Variants in SLC16A7 observed in about 807,000 individuals in gnomAD.
The protein encoded by SLC16A7 is monocarboxylate transporter 2.
Under a neutral mutation model 34.9 loss-of-function variants are expected in SLC16A7, and 33 were observed. The observed-to-expected ratio is 0.94, with a 90% CI of 0.72 to 1.26. SLC16A7 has a LOEUF of 1.26. Ranked by LOEUF, SLC16A7 falls within the 50% of genes most tolerant of loss-of-function variation. The pLI is 0.00. For missense variants in SLC16A7, 573 were observed against 578.1 expected (o/e 0.99, Z 0.09); for synonymous variants, 201 against 206.6 (o/e 0.97, Z 0.23).
rs146249048 is a variant in SLC16A7 at position 59,698,310 on chromosome 12, G to T, written c.-30-6462G>T. On this transcript the variant is annotated intron_variant, in intron 2 of 5. Transcript: ENST00000547379. ...AAATAAATGAGATATTCAAATCTTA[G>T]AACTGTACTTCTATATAGCACATTT... Among the ~76,000 whole-genome samples the T allele has an allele frequency of 9.9e-3, 1,504 of 151,708 alleles. 23 individuals carry two copies. Among genetic ancestry groups the T allele is most frequent in the African/African-American group, 0.034 (1,412 of 41,462 alleles).
At position 59,704,964 on chromosome 12, in the gene SLC16A7, T is replaced by C; in HGVS notation, c.163T>C (p.Tyr55His). ...KEIQQIFHTT[Y>H]SEIAWISSIM... ...AATTCAGCAAATATTCCACACTACC[T>C]ACAGTGAAATAGCATGGATTTCATC... The change falls in exon 3 of 6, where the codon TAC becomes CAC. Residue 55 changes from tyrosine (Y) to histidine (H), a missense_variant. By Grantham distance (83) the Tyr-to-His change is moderately conservative. Transcript: ENST00000547379. 2 of 1,613,680 alleles carry C rather than the reference T, an allele frequency of 1.2e-6. No individual in the cohort carries two copies. Among genetic ancestry groups the C allele is most frequent in the Non-Finnish European group, 1.7e-6 (2 of 1,179,666 alleles).
In SLC16A7 at chr12:59,784,333, T is replaced by C. The variant is rs946485722; in HGVS notation, c.*4654T>C. ...CTTCAGTGAGCTATAATGGCCCCAC[T>C]TGCAGTCCAGCCTAGGCAATAGAGT... On this transcript the variant is annotated 3_prime_UTR_variant, in exon 6 of 6. Coordinates refer to ENST00000547379, the MANE Select transcript of SLC16A7 (RefSeq NM_001270623.2). 1.3e-5 allele frequency: 2 copies of C among 152,042 alleles called. No homozygotes were observed. The highest frequency in any genetic ancestry group is 2.4e-5 in the African/African-American group (1 of 41,408). 9.4% of individuals were successfully genotyped at this position (152,042 alleles called of 1,614,324 possible).
chr12:59,738,148 C>T (rs1877820210), intron 3 of SLC16A7, among the ~76,000 whole-genome samples: 1 of 152,154 alleles, frequency 6.6e-6, no homozygotes. Context: ...CTGGTCTAAA[C>T]TATTTTGCCC....
At chr12:59,740,126 A>C (rs1347256263) in intron 3 of SLC16A7, among the ~76,000 whole-genome samples, 1 of 151,436 alleles carries the variant, frequency 6.6e-6, no homozygotes, top group Non-Finnish European at 1.5e-5. Context: ...GCCCATGCCT[A>C]TGTCCTGAAT....
At chr12:59,598,364 A>G (rs910408816) in intron 1 of SLC16A7, among the ~76,000 whole-genome samples, 7 of 152,232 alleles carry the variant, frequency 4.6e-5, no homozygotes, top group African/African-American at 7.2e-5. Context: ...TTGAGCCCCT[A>G]TAATCAGTCT....
At position 59,774,743 on chromosome 12, in the gene SLC16A7, G is replaced by T; in HGVS notation, c.448G>T (p.Ala150Ser). Reference protein sequence around the residue: ...YRKRPMANGLAMAGSPVFLSS... With the variant: ...YRKRPMANGLSMAGSPVFLSS... ...GAAGCGACCCATGGCAAATGGATTG[G>T]CCATGGCAGGAAGTCCTGTTTTCTT... Residue 150 changes from alanine to serine, a missense_variant, in exon 5 of 6, where the codon GCC becomes TCC. Ala to Ser is a moderately conservative substitution (Grantham distance 99). Coordinates refer to ENST00000547379, the MANE Select transcript of SLC16A7 (RefSeq NM_001270623.2). 6.2e-7 allele frequency: 1 copy of T among 1,613,806 alleles called. No homozygotes were observed. The highest frequency in any genetic ancestry group is 8.5e-7 in the Non-Finnish European group (1 of 1,179,850).
Position 59,787,326 on chromosome 12 carries a change from A to T in SLC16A7, c.*7647A>T, listed in dbSNP as rs891236717. 4.6e-5 allele frequency: 7 copies of T among 152,320 alleles called. No individual in the cohort carries two copies. Among genetic ancestry groups the T allele is most frequent in the African/African-American group, 1.7e-4 (7 of 41,580 alleles). The allele number at this position is 152,320 out of a possible 1,614,324, so 9.4% of individuals were successfully genotyped here. ...AAGAACCTGAACATATGTTAATGAA[A>T]TTATTAGAGTAAGTTCTATCTCAAA... is the stretch of plus-strand genomic sequence containing the variant. On this transcript the variant is annotated 3_prime_UTR_variant, in exon 6 of 6. Coordinates refer to ENST00000547379, the MANE Select transcript of SLC16A7 (RefSeq NM_001270623.2).
intron 2 of SLC16A7, among the ~76,000 whole-genome samples, chr12:59,695,063 C>G (rs1460119850): frequency 6.6e-6 from 1 of 151,508 alleles, no homozygotes. Context: ...TATCTGGTCC[C>G]TAAGCTGGCC....
intron 2 of SLC16A7, among the ~76,000 whole-genome samples, chr12:59,659,634 G>A (rs554774450): frequency 9.1e-4 from 139 of 152,146 alleles, no homozygotes; most frequent in African/African-American, 3.3e-3. Flanking sequence ...TCTTAAAATT[G>A]ATGCTGAACT....
intron 2 of SLC16A7, among the ~76,000 whole-genome samples, chr12:59,688,907 A>G (rs1368861606): frequency 6.6e-6 from 1 of 152,028 alleles, no homozygotes; most frequent in Non-Finnish European, 1.5e-5. Flanking sequence ...TAAATGTGTA[A>G]TATTAATTTA....
At chr12:59,643,241 A>G (rs1256469215) in intron 1 of SLC16A7, among the ~76,000 whole-genome samples, 1 of 152,184 alleles carries the variant, frequency 6.6e-6, no homozygotes, top group East Asian at 1.9e-4. Context: ...CTTGGATCAT[A>G]GAACTAATAA....
At position 59,775,480 on chromosome 12, in the gene SLC16A7, G is replaced by C. The variant is rs772960208; in HGVS notation, c.1180+5G>C. The C allele has an allele frequency of 6.2e-7, 1 of 1,607,042 alleles. No homozygotes were observed. Among genetic ancestry groups the C allele is most frequent in the East Asian group, 2.2e-5 (1 of 44,816 alleles). Reference sequence around the variant, plus strand: ...TTCTTGGCCCTCCTCTTGCAGGTAAGAACGTTTTTCATCAAGGAAAATGTA... The same window carrying C: ...TTCTTGGCCCTCCTCTTGCAGGTAACAACGTTTTTCATCAAGGAAAATGTA... On this transcript the variant is annotated splice_donor_5th_base_variant and intron_variant, in intron 5 of 5. Coordinates refer to ENST00000547379, the MANE Select transcript of SLC16A7 (RefSeq NM_001270623.2).
intron 3 of SLC16A7, among the ~76,000 whole-genome samples, chr12:59,727,237 G>A (rs1876394600): frequency 6.6e-6 from 1 of 151,500 alleles, no homozygotes; most frequent in Non-Finnish European, 1.5e-5. Context: ...ATTTAGTCAT[G>A]AAAAGATGAG....
At chr12:59,655,716 C>A (rs1868501857) in intron 2 of SLC16A7, among the ~76,000 whole-genome samples, 1 of 150,386 alleles carries the variant, frequency 6.6e-6, no homozygotes, top group Admixed American at 6.6e-5. Context: ...GGTTTTTTTA[C>A]GTTCATATTT....
At chr12:59,688,054 T>A (rs182484791) in intron 2 of SLC16A7, among the ~76,000 whole-genome samples, 38 of 152,272 alleles carry the variant, frequency 2.5e-4, no homozygotes, top group Admixed American at 8.5e-4. Flanking sequence ...GAATTCTACA[T>A]TCCTTCCCTT....
rs1317901025 is a variant in SLC16A7 at position 59,630,032 on chromosome 12, AG to A, written c.-129-25119del. Among the ~76,000 whole-genome samples, 3 of 151,924 alleles carry A rather than the reference AG, an allele frequency of 2.0e-5. No homozygotes were observed. The East Asian group carries it at 5.8e-4, about 29-fold the overall frequency. Reference sequence around the variant, plus strand: ...AATTGTCTTATACATAGTAGTCACAAGTCAACAATTATTGAAACGAAGAACA... The same window carrying A: ...AATTGTCTTATACATAGTAGTCACAATCAACAATTATTGAAACGAAGAACA... On this transcript the variant is annotated intron_variant, in intron 1 of 5. Coordinates refer to ENST00000547379, the MANE Select transcript of SLC16A7 (RefSeq NM_001270623.2).
At chr12:59,754,448 A>G (rs2088508689) in intron 3 of SLC16A7, among the ~76,000 whole-genome samples, 1 of 152,312 alleles carries the variant, frequency 6.6e-6, no homozygotes, top group Middle Eastern at 3.4e-3. Context: ...CCACAGAAAT[A>G]CAAACTACCA....
At chr12:59,612,072 G>A (rs1379705924) in intron 1 of SLC16A7, among the ~76,000 whole-genome samples, 1 of 152,176 alleles carries the variant, frequency 6.6e-6, no homozygotes, top group Admixed American at 6.5e-5. Flanking sequence ...ACCAGGCGGT[G>A]CCCCGATGGA....
chr12:59,727,809 G>T (rs2137230438), intron 3 of SLC16A7, among the ~76,000 whole-genome samples: 1 of 152,226 alleles, frequency 6.6e-6, no homozygotes, highest in African/African-American at 2.4e-5. Context: ...TTGTGTTGGG[G>T]GGGAGGTAGT....
Sources: gnomAD v4.1 joint callset for allele counts (sites outside exome capture counted in the v4.1 genomes callset) on GRCh38, gnomAD v4.1.1 for gene constraint, MANE v1.5 for transcripts, NCBI Gene and HGNC (gene_info 2026-07-23, HGNC 2026-07-21) for gene names.